LINGO2: variants seen among roughly 807,000 people sequenced by gnomAD.
LINGO2 encodes leucine-rich repeat and immunoglobulin-like domain-containing nogo receptor-interacting protein 2.
Under a neutral mutation model 30.6 loss-of-function variants are expected in LINGO2, and 14 were observed. The ratio of observed to expected loss-of-function variants is 0.46; its 90% CI spans 0.30 to 0.72. The LOEUF is 0.72. Ranked by LOEUF, LINGO2 falls within the 30% of genes least tolerant of loss-of-function variation. LINGO2 has a pLI of 0.07. For missense variants in LINGO2, 729 were observed against 751.7 expected, an observed-to-expected ratio of 0.97 and a Z score of 0.35; for synonymous variants, 317 against 288.5, an observed-to-expected ratio of 1.10 and a Z score of -1.00.
intron 2 of LINGO2, among the ~76,000 whole-genome samples, chr9:28,390,701 A>T (rs1775657066): frequency 6.6e-6 from 1 of 152,192 alleles, no homozygotes; most frequent in African/African-American, 2.4e-5. Flanking sequence ...CAAAATGGGG[A>T]TAATACACAT....
chr9:28,556,122 C>G (rs1822670558), intron 1 of LINGO2, among the ~76,000 whole-genome samples: 1 of 151,970 alleles, frequency 6.6e-6, no homozygotes, highest in African/African-American at 2.4e-5. Context: ...TCCTATTCAA[C>G]ATAGTGTTGG....
the LINGO2 span, among the ~76,000 whole-genome samples, chr9:28,780,664 T>C: frequency 6.6e-6 from 1 of 152,136 alleles, no homozygotes; most frequent in African/African-American, 2.4e-5. Context: ...TTTTTATCAT[T>C]GTGTATTACT....
chr9:28,402,780 C>A (rs993827189), intron 2 of LINGO2, among the ~76,000 whole-genome samples: 1 of 152,134 alleles, frequency 6.6e-6, no homozygotes, highest in African/African-American at 2.4e-5. Context: ...TCTTTCCCAT[C>A]ACGTTTTTTC....
intron 1 of LINGO2, among the ~76,000 whole-genome samples, chr9:28,604,027 C>T (rs1204304721): frequency 1.3e-5 from 2 of 151,750 alleles, no homozygotes; most frequent in Admixed American, 6.6e-5. Flanking sequence ...GTTTTTCTTC[C>T]GCAGATTTTC....
At chr9:28,439,601 C>G (rs1824105658) in intron 2 of LINGO2, among the ~76,000 whole-genome samples, 1 of 151,978 alleles carries the variant, frequency 6.6e-6, no homozygotes. Flanking sequence ...GCATATAGCA[C>G]CTTCCCCTTC....
chr9:28,902,683 A>G, the LINGO2 span, among the ~76,000 whole-genome samples: 2 of 152,164 alleles, frequency 1.3e-5, no homozygotes, highest in African/African-American at 2.4e-5. Flanking sequence ...TTATTCAAGT[A>G]TCCCTTCTGA....
chr9:29,122,192 T>C, the LINGO2 span, among the ~76,000 whole-genome samples: 1 of 152,060 alleles, frequency 6.6e-6, no homozygotes, highest in African/African-American at 2.4e-5. Flanking sequence ...TTCATTCCTA[T>C]AGCAGGAGAA....
intron 4 of LINGO2, among the ~76,000 whole-genome samples, chr9:28,081,863 T>G (rs1237449661): frequency 6.6e-6 from 1 of 152,338 alleles, no homozygotes; most frequent in South Asian, 2.1e-4. Flanking sequence ...CTTTTTCTTT[T>G]TTATGTCATA....
At chr9:28,711,968 A>C in the LINGO2 span, among the ~76,000 whole-genome samples, 1 of 152,152 alleles carries the variant, frequency 6.6e-6, no homozygotes, top group African/African-American at 2.4e-5. Flanking sequence ...TCTCTGTTGG[A>C]AAAGAGATGC....
the LINGO2 span, among the ~76,000 whole-genome samples, chr9:29,066,078 C>T: frequency 6.6e-6 from 1 of 151,770 alleles, no homozygotes; most frequent in East Asian, 1.9e-4. Context: ...AGAGCTAAGT[C>T]AAGTATCATA....
chr9:28,572,680 G>A (rs1036249802), intron 1 of LINGO2, among the ~76,000 whole-genome samples: 11 of 147,622 alleles, frequency 7.5e-5, no homozygotes, highest in East Asian at 1.9e-4. Context: ...AAAATGTCCC[G>A]TGATTCATTC....
chr9:28,781,743 C>A, the LINGO2 span, among the ~76,000 whole-genome samples: 3 of 151,938 alleles, frequency 2.0e-5, no homozygotes, highest in Admixed American at 1.3e-4. Flanking sequence ...GGCAGGCATT[C>A]AGAGAAATTA....
chr9:28,198,521 T>C (rs535798135), intron 4 of LINGO2, among the ~76,000 whole-genome samples: 3 of 152,180 alleles, frequency 2.0e-5, no homozygotes, highest in Non-Finnish European at 4.4e-5. Flanking sequence ...AATGACAAAA[T>C]ATTTTCATTT....
At chr9:28,508,698 G>A (rs1243712404) in intron 1 of LINGO2, among the ~76,000 whole-genome samples, 1 of 151,908 alleles carries the variant, frequency 6.6e-6, no homozygotes, top group Non-Finnish European at 1.5e-5. Flanking sequence ...TTTCCTTGGA[G>A]GGAGAAAAAA....
At chr9:29,205,809 T>A in the LINGO2 span, among the ~76,000 whole-genome samples, 1 of 152,224 alleles carries the variant, frequency 6.6e-6, no homozygotes, top group East Asian at 1.9e-4. Flanking sequence ...ATTTACAGAT[T>A]TGTGCAACCA....
At chr9:29,015,767 C>T in the LINGO2 span, among the ~76,000 whole-genome samples, 21 of 152,256 alleles carry the variant, frequency 1.4e-4, no homozygotes, top group African/African-American at 5.1e-4. Flanking sequence ...AGCCTATGCT[C>T]ACTATCCTCA....
chr9:28,525,400 A>G (rs572911673), intron 1 of LINGO2, among the ~76,000 whole-genome samples: 2 of 152,334 alleles, frequency 1.3e-5, no homozygotes, highest in African/African-American at 4.8e-5. Flanking sequence ...CAAAAAGTGG[A>G]AACAACCCAA....
chr9:29,055,514 A>G, the LINGO2 span, among the ~76,000 whole-genome samples: 1 of 152,188 alleles, frequency 6.6e-6, no homozygotes, highest in Non-Finnish European at 1.5e-5. Flanking sequence ...AATCAACATG[A>G]AAGTCTGAAT....
the LINGO2 span, among the ~76,000 whole-genome samples, chr9:29,066,727 G>T: frequency 6.6e-6 from 1 of 151,902 alleles, no homozygotes; most frequent in South Asian, 2.1e-4. Flanking sequence ...AAAGGATGGA[G>T]AGGTAGAAGT....
Sources: allele counts gnomAD v4.1 joint callset (sites outside exome capture counted in the v4.1 genomes callset), GRCh38; gene constraint gnomAD v4.1.1; transcripts MANE v1.5; gene names NCBI Gene and HGNC (gene_info 2026-07-23, HGNC 2026-07-21).